Variants in RXRA observed in about 807,000 individuals in gnomAD.
The protein encoded by RXRA is retinoic acid receptor RXR-alpha.
In RXRA, 5 loss-of-function variants were observed where a neutral mutation model predicts 44.5. The observed-to-expected ratio is 0.11, with a 90% CI of 0.06 to 0.24. The LOEUF is 0.24. RXRA is among the 10% of genes least tolerant of loss of function. The pLI is 1.00. For synonymous variants in RXRA, 291 were observed against 271.4 expected, an observed-to-expected ratio of 1.07 and a Z score of -0.71; for missense variants, 412 against 646.5, an observed-to-expected ratio of 0.64 and a Z score of 3.93.
At chr9:134,405,809 A>T (rs947116093) in intron 2 of RXRA, 1 of 152,576 alleles carries the variant, frequency 6.6e-6, no homozygotes, top group Non-Finnish European at 1.5e-5. Context: ...GGTGCCCGAC[A>T]CTTCCTGCTT....
chr9:134,338,801 G>A (rs1830044835), intron 1 of RXRA, among the ~76,000 whole-genome samples: 1 of 152,220 alleles, frequency 6.6e-6, no homozygotes, highest in South Asian at 2.1e-4. Context: ...GACTGGGGGA[G>A]CGAGCAGGCC....
At chr9:134,337,038 G>A (rs1830017786) in intron 1 of RXRA, among the ~76,000 whole-genome samples, 2 of 152,178 alleles carry the variant, frequency 1.3e-5, no homozygotes, top group African/African-American at 4.8e-5. Context: ...TAAGGCTGGG[G>A]GGTGCCCCTG....
Position 134,431,888 on chromosome 9 carries a change from G to A in RXRA, c.1044-17G>A. 3 of 1,601,612 alleles carry A rather than the reference G, an allele frequency of 1.9e-6. No homozygotes were observed. Among genetic ancestry groups the A allele is most frequent in the Non-Finnish European group, 2.6e-6 (3 of 1,169,446 alleles). ...GCGACCTAACTGGGATGGGGTGTCT[G>A]CCCTCCTCCTCTGCAGGGTGCTGAC... On this transcript the variant is annotated splice_polypyrimidine_tract_variant and intron_variant, in intron 7 of 9. Coordinates refer to ENST00000481739, the MANE Select transcript of RXRA (RefSeq NM_002957.6).
chr9:134,329,702 G>A (rs973804980), intron 1 of RXRA, among the ~76,000 whole-genome samples: 13 of 152,220 alleles, frequency 8.5e-5, no homozygotes, highest in African/African-American at 3.1e-4. Flanking sequence ...GGTTCTTCCA[G>A]CTGTGCCTGT....
Position 134,417,358 on chromosome 9 carries a change from C to T in RXRA, c.780+31C>T, listed in dbSNP as rs762434233. The stretch of plus-strand genomic sequence containing the variant: ...TTGCAGCCTGTGCAGGGGTGGGCAG[C>T]CTCACATGCCTCAGTTTCCCTCACT... On this transcript the variant is annotated intron_variant, in intron 5 of 9. Transcript: ENST00000481739. This position sits in a 1 kb window ranked among gnomAD's most constrained non-coding sequence, Gnocchi z 6.1. The T allele has an allele frequency of 6.2e-7, 1 of 1,602,634 alleles. No individual in the cohort carries two copies. The highest frequency in any genetic ancestry group is 8.5e-7 in the Non-Finnish European group (1 of 1,172,258).
chr9:134,419,417 C>G (rs1337508501), intron 5 of RXRA, among the ~76,000 whole-genome samples: 2 of 152,208 alleles, frequency 1.3e-5, no homozygotes, highest in East Asian at 3.9e-4. Flanking sequence ...GACACGTCTT[C>G]CACGGGGAGG....
chr9:134,356,516 G>A (rs1002407753), intron 1 of RXRA, among the ~76,000 whole-genome samples: 2 of 152,192 alleles, frequency 1.3e-5, no homozygotes, highest in Non-Finnish European at 2.9e-5. Flanking sequence ...CACGGTCTGC[G>A]GGATGGAGGC....
At chr9:134,329,071 C>T (rs1450604290) in intron 1 of RXRA, among the ~76,000 whole-genome samples, 1 of 152,250 alleles carries the variant, frequency 6.6e-6, no homozygotes, top group Non-Finnish European at 1.5e-5. Context: ...TGGTGGGACT[C>T]AGGCGGAGTC....
At chr9:134,423,488 C>T (rs1379012992) in intron 6 of RXRA, 1 of 985,354 alleles carries the variant, frequency 1.0e-6, no homozygotes, top group Non-Finnish European at 1.2e-6. Context: ...TTGCTTGGGT[C>T]AGGGCTGTGA....
At chr9:134,334,238 G>T (rs1306937164) in intron 1 of RXRA, among the ~76,000 whole-genome samples, 1 of 152,258 alleles carries the variant, frequency 6.6e-6, no homozygotes, top group Non-Finnish European at 1.5e-5. Flanking sequence ...CTTCTGAGGC[G>T]AGGGCATCCT....
intron 1 of RXRA, among the ~76,000 whole-genome samples, chr9:134,362,133 C>T (rs1830359603): frequency 6.6e-6 from 1 of 152,072 alleles, no homozygotes; most frequent in African/African-American, 2.4e-5. Flanking sequence ...CCTGGGCCTT[C>T]TGTGCGGGTT....
At chr9:134,388,914 G>A (rs1235812135) in intron 1 of RXRA, among the ~76,000 whole-genome samples, 1 of 152,180 alleles carries the variant, frequency 6.6e-6, no homozygotes, top group Non-Finnish European at 1.5e-5. Context: ...TTGACGGACT[G>A]GGTGTGGGTC....
At chr9:134,333,603 CG>C (rs1835042361) in intron 1 of RXRA, among the ~76,000 whole-genome samples, 1 of 152,168 alleles carries the variant, frequency 6.6e-6, no homozygotes, top group Non-Finnish European at 1.5e-5. Context: ...AAGACAACCC[CG>C]GGTGCGGCCG....
chr9:134,432,640 G>C (rs1028980778), intron 8 of RXRA, among the ~76,000 whole-genome samples: 1 of 152,280 alleles, frequency 6.6e-6, no homozygotes, highest in African/African-American at 2.4e-5. Flanking sequence ...CTGCTGGCAT[G>C]GGAGGGCCCC....
At chr9:134,348,677 G>A (rs935240360) in intron 1 of RXRA, among the ~76,000 whole-genome samples, 2 of 152,212 alleles carry the variant, frequency 1.3e-5, no homozygotes, top group Non-Finnish European at 2.9e-5. Flanking sequence ...GCCTACGTAC[G>A]CCCTGTCCTC....
At chr9:134,384,433 A>G (rs1334019326) in intron 1 of RXRA, among the ~76,000 whole-genome samples, 4 of 152,214 alleles carry the variant, frequency 2.6e-5, no homozygotes, top group South Asian at 2.1e-4. Flanking sequence ...GTCAGGGGAT[A>G]TGGCAGCAGT....
rs1830097374 is a variant in RXRA at position 134,342,476 on chromosome 9, G to A, written c.28+15817G>A. On this transcript the variant is annotated intron_variant, in intron 1 of 9. Transcript: ENST00000481739. This position sits in a 1 kb window ranked among gnomAD's most constrained non-coding sequence, Gnocchi z 4.4. ...GGCACAGAGAGCAGGGGTCCCCCAG[G>A]TGGTCAGGCCCCAGAGGCTTGCACT... is the stretch of plus-strand genomic sequence containing the variant. 6.6e-6 allele frequency among the ~76,000 whole-genome samples: 1 copy of A among 152,220 alleles called. No homozygotes were observed. The highest frequency in any genetic ancestry group is 2.1e-4 in the South Asian group (1 of 4,836).
At chr9:134,435,979 G>T (rs1281954114) in intron 9 of RXRA, among the ~76,000 whole-genome samples, 1 of 152,164 alleles carries the variant, frequency 6.6e-6, no homozygotes, top group Non-Finnish European at 1.5e-5. Context: ...GGTCCTCCCT[G>T]CAGGCATGCA....
chr9:134,372,688 T>C (rs73551915), intron 1 of RXRA, among the ~76,000 whole-genome samples: 8,276 of 152,278 alleles, frequency 0.054, 735 homozygotes, highest in African/African-American at 0.19. Context: ...AGAGGAACTG[T>C]GTCCAGGTGC....
Sources: gnomAD v4.1 joint callset for allele counts (sites outside exome capture counted in the v4.1 genomes callset) on GRCh38, gnomAD v4.1.1 for gene constraint, Gnocchi (gnomAD v3.1) non-coding constraint, MANE v1.5 for transcripts, NCBI Gene and HGNC (gene_info 2026-07-23, HGNC 2026-07-21) for gene names.